The following TNNI3K variants were observed in gnomAD, a reference collection of about 807,000 sequenced individuals.
TNNI3K encodes the protein serine/threonine-protein kinase TNNI3K.
In TNNI3K, 140 loss-of-function variants were observed where a neutral mutation model predicts 114.5. The ratio of observed to expected loss-of-function variants is 1.22; its 90% CI spans 1.07 to 1.41. The LOEUF (loss-of-function observed/expected upper bound fraction) is 1.41, where lower values mean the gene tolerates loss of function less well. TNNI3K is among the 40% of genes most tolerant of loss of function. The probability of loss-of-function intolerance (pLI) is 0.00; values close to 1 mark genes in which losing one functional copy is unlikely to be tolerated. For missense variants in TNNI3K, 1,125 were observed against 1,007.6 expected, an observed-to-expected ratio of 1.12 and a Z score of -1.58; for synonymous variants, 347 against 347.5, an observed-to-expected ratio of 1.00 and a Z score of 0.02.
chr1:74,341,574 T>C (rs947305324), intron 7 of TNNI3K: 1 of 151,870 alleles, frequency 6.6e-6, no homozygotes, highest in African/African-American at 2.4e-5. Flanking sequence ...TTTTTTTTTT[T>C]TTTACTTTCA....
rs1480281982 is a variant in TNNI3K, at chr1:74,367,922, T to A, written c.1279T>A (p.Ser427Thr). 7 of 1,577,952 alleles carry A rather than the reference T, an allele frequency of 4.4e-6. No individual in the cohort carries two copies. The highest frequency in any genetic ancestry group is 1.4e-5 in the African/African-American group (1 of 72,094). ...SQPGGDGSYVSVPSPLGKIKS... is the reference protein window; with the variant it reads ...SQPGGDGSYVTVPSPLGKIKS... ...TTAATTTCTAGATGGCTCCTATGTG[T>A]CTGTTCCATCACCCTTGGGGAAGAT... Residue 427 changes from serine (S) to threonine (T), a missense_variant, in exon 13 of 25, where the codon TCT (serine) becomes ACT (threonine). Coordinates refer to ENST00000326637, the MANE Select transcript of TNNI3K (RefSeq NM_015978.3).
At chr1:74,459,388 T>C (rs1667354284) in intron 20 of TNNI3K, among the ~76,000 whole-genome samples, 1 of 152,262 alleles carries the variant, frequency 6.6e-6, no homozygotes, top group South Asian at 2.1e-4. Context: ...GTTATGATAG[T>C]ACAGGTTGTT....
rs1040481183 is a variant in TNNI3K, at chr1:74,367,284, G to A, written c.1206G>A (p.Lys402=). ...KGHDAIVTLL[K]HYKRPQDELP... ...ATGATGCCATTGTCACACTCCTGAA[G>A]CATTATAAGAGACCACAAGATGAAT... Residue 402 remains lysine, a synonymous_variant, in exon 12 of 25, where the codon AAG becomes AAA. Transcript: ENST00000326637. 6.2e-7 allele frequency: 1 copy of A among 1,612,152 alleles called. No homozygotes were observed. Among genetic ancestry groups the A allele is most frequent in the African/African-American group, 1.3e-5 (1 of 74,868 alleles).
intron 9 of TNNI3K, 48 bp from the exon 10 acceptor site, chr1:74,353,218 C>A: frequency 6.3e-7 from 1 of 1,589,148 alleles, no homozygotes; most frequent in South Asian, 1.2e-5. Flanking sequence ...CAATTTAGTT[C>A]ATAACAAGGA....
intron 5 of TNNI3K, among the ~76,000 whole-genome samples, chr1:74,296,149 G>T (rs528701654): frequency 6.6e-6 from 1 of 151,910 alleles, no homozygotes; most frequent in African/African-American, 2.4e-5. Flanking sequence ...GGCGGCGGGC[G>T]CCTGTAGTCC....
intron 21 of TNNI3K, among the ~76,000 whole-genome samples, chr1:74,486,490 G>GTGTTTTT (rs751022793): frequency 0.099 from 13,737 of 139,188 alleles, 1,711 homozygotes; most frequent in African/African-American, 0.31. Flanking sequence ...TTTTTTGTGT[G>GTGTTTTT]TGTTTTTTGT....
At chr1:74,457,110 T>C (rs1017237802) in intron 20 of TNNI3K, among the ~76,000 whole-genome samples, 2 of 151,982 alleles carry the variant, frequency 1.3e-5, no homozygotes, top group African/African-American at 2.4e-5. Flanking sequence ...GGCAGGAAAA[T>C]AGGAGTGAGC....
chr1:74,326,342 A>G (rs181227347), intron 5 of TNNI3K, among the ~76,000 whole-genome samples: 4 of 152,246 alleles, frequency 2.6e-5, no homozygotes, highest in Admixed American at 2.0e-4. Flanking sequence ...ACCCTGCCCA[A>G]TGACTTCCTT....
At chr1:74,340,177 A>G (rs1195638374) in intron 7 of TNNI3K, among the ~76,000 whole-genome samples, 1 of 152,136 alleles carries the variant, frequency 6.6e-6, no homozygotes, top group African/African-American at 2.4e-5. Flanking sequence ...ATAAGCGGAA[A>G]TAAAGAAGAA....
intron 5 of TNNI3K, among the ~76,000 whole-genome samples, chr1:74,281,810 T>TATC (rs36049979): frequency 0.99 from 150,752 of 152,128 alleles, 74,713 homozygotes; most frequent in Middle Eastern, 1. Flanking sequence ...TGATTTGTTT[T>TATC]ATCATATGGT....
intron 5 of TNNI3K, among the ~76,000 whole-genome samples, chr1:74,300,950 C>T (rs1201257290): frequency 6.6e-6 from 1 of 152,138 alleles, no homozygotes; most frequent in African/African-American, 2.4e-5. Context: ...AGAACCATGA[C>T]TGATACTGAT....
chr1:74,470,765 G>A (rs1358721019), intron 21 of TNNI3K: 7 of 400,360 alleles, frequency 1.7e-5, no homozygotes, highest in Non-Finnish European at 2.7e-5. Flanking sequence ...TCTCTGTGTT[G>A]TAAGGCTTCA....
At chr1:74,235,700 AT>A (rs1304821665) in intron 1 of TNNI3K, among the ~76,000 whole-genome samples, 1 of 151,486 alleles carries the variant, frequency 6.6e-6, no homozygotes, top group African/African-American at 2.4e-5. Flanking sequence ...CAAAAATATT[AT>A]TTTAGTTCCT....
At chr1:74,338,110 A>G (rs1466283742) in intron 7 of TNNI3K, among the ~76,000 whole-genome samples, 2 of 152,104 alleles carry the variant, frequency 1.3e-5, no homozygotes, top group African/African-American at 2.4e-5. Flanking sequence ...GTAATAATGC[A>G]TATGTTTAAT....
chr1:74,432,121 GTATAT>G (rs1345542338), intron 17 of TNNI3K, among the ~76,000 whole-genome samples: 1 of 152,046 alleles, frequency 6.6e-6, no homozygotes, highest in African/African-American at 2.4e-5. Context: ...GTACATGTTT[GTATAT>G]TATAGTATAA....
At chr1:74,527,386 A>G (rs1283239189) in intron 23 of TNNI3K, among the ~76,000 whole-genome samples, 1 of 152,258 alleles carries the variant, frequency 6.6e-6, no homozygotes, top group Admixed American at 6.5e-5. Context: ...ATACTTACTG[A>G]GAAACAAGGC....
rs369621912 is a variant in TNNI3K at position 74,533,553 on chromosome 1, T to C, written c.2352-6681T>C. Among the ~76,000 whole-genome samples, 57 of 151,998 alleles carry C rather than the reference T, an allele frequency of 3.8e-4. 1 individual carries two copies. The highest frequency in any genetic ancestry group is 1.2e-3 in the African/African-American group (49 of 41,278). ...GAAATACCATTTGACCCAGCCATCC[T>C]ATTACTGGGTATATACCCAAAGGAC... is the stretch of plus-strand genomic sequence containing the variant. On this transcript the variant is annotated intron_variant, in intron 23 of 24. Transcript: ENST00000326637.
intron 23 of TNNI3K, among the ~76,000 whole-genome samples, chr1:74,513,155 G>C (rs956388668): frequency 1.2e-4 from 18 of 152,246 alleles, no homozygotes; most frequent in Admixed American, 1.2e-3. Flanking sequence ...TACAGCAGAG[G>C]TAGGTGCCTA....
chr1:74,315,774 T>C (rs575343177), intron 5 of TNNI3K, among the ~76,000 whole-genome samples: 2 of 152,292 alleles, frequency 1.3e-5, no homozygotes, highest in East Asian at 3.9e-4. Context: ...GCTATCTGTT[T>C]AGACTTTTTA....
Sources: gnomAD v4.1 joint callset for allele counts (sites outside exome capture counted in the v4.1 genomes callset) on GRCh38, gnomAD v4.1.1 for gene constraint, MANE v1.5 for transcripts, NCBI Gene and HGNC (gene_info 2026-07-23, HGNC 2026-07-21) for gene names.